IL20RA: variants seen among roughly 807,000 people sequenced by gnomAD.
IL20RA encodes interleukin-20 receptor subunit alpha.
Under a neutral mutation model 36.5 loss-of-function variants are expected in IL20RA, and 29 were observed. That is an observed-to-expected ratio of 0.79 (90% confidence interval 0.59 to 1.08). IL20RA has a LOEUF of 1.08. IL20RA is among the 50% of genes least tolerant of loss of function. The probability of loss-of-function intolerance (pLI) is 0.00; values close to 1 mark genes in which losing one functional copy is unlikely to be tolerated. For missense variants in IL20RA, 652 were observed against 668.4 expected (o/e 0.98, Z 0.27); for synonymous variants, 279 against 267.1 (o/e 1.04, Z -0.43).
At chr6:137,015,540 T>C (rs543893855) in intron 2 of IL20RA, among the ~76,000 whole-genome samples, 3 of 152,248 alleles carry the variant, frequency 2.0e-5, no homozygotes, top group Non-Finnish European at 4.4e-5. Context: ...ATAGGCGCTA[T>C]GCTAGTTCCC....
chr6:137,023,110 G>T (rs561812778), intron 1 of IL20RA, among the ~76,000 whole-genome samples: 64 of 152,222 alleles, frequency 4.2e-4, no homozygotes, highest in African/African-American at 1.5e-3. Flanking sequence ...GAGCTTCCAG[G>T]GTAGTAGGAA....
Position 137,037,044 on chromosome 6 carries a change from C to T in IL20RA, c.88+7597G>A, listed in dbSNP as rs141965229. On this transcript the variant is annotated intron_variant, in intron 1 of 6. Transcript: ENST00000316649. Reference sequence around the variant, plus strand: ...AGCACATAGCTGCCAAAATATCCCACGTCATCAAAATGCAAATGTAGCTGT... The same window carrying T: ...AGCACATAGCTGCCAAAATATCCCATGTCATCAAAATGCAAATGTAGCTGT... Among the ~76,000 whole-genome samples the T allele has an allele frequency of 6.4e-3, 976 of 152,288 alleles. 1 individual carries two copies. Among genetic ancestry groups the T allele is most frequent in the Non-Finnish European group, 0.011 (747 of 68,020 alleles).
chr6:137,009,665 G>C (rs1582820524), intron 3 of IL20RA, among the ~76,000 whole-genome samples, 173 bp from the exon 4 acceptor site: 1 of 127,776 alleles, frequency 7.8e-6, no homozygotes, highest in Admixed American at 1.0e-4. Context: ...GAGTGCAATG[G>C]CATGATCTCG....
At chr6:137,022,638 A>G (rs1259002459) in intron 1 of IL20RA, among the ~76,000 whole-genome samples, 2 of 152,178 alleles carry the variant, frequency 1.3e-5, no homozygotes, top group African/African-American at 4.8e-5. Flanking sequence ...TAAAAATAAA[A>G]TATATATTAA....
intron 1 of IL20RA, chr6:137,044,127 C>T (rs1028650318): frequency 2.1e-5 from 21 of 985,514 alleles, no homozygotes; most frequent in South Asian, 1.4e-4. Flanking sequence ...CATGTTCCTT[C>T]GGGGCTGACC....
chr6:137,012,136 G>C (rs1473402173), intron 2 of IL20RA, among the ~76,000 whole-genome samples: 1 of 152,142 alleles, frequency 6.6e-6, no homozygotes. Context: ...GCCAGTGAAA[G>C]GGACAGGGGA....
At chr6:137,031,388 G>C (rs892872124) in intron 1 of IL20RA, among the ~76,000 whole-genome samples, 2 of 152,158 alleles carry the variant, frequency 1.3e-5, no homozygotes, top group Admixed American at 1.3e-4. Context: ...ATAATGTCAC[G>C]TGCTGCAAAA....
At chr6:137,002,490 C>T in intron 6 of IL20RA, 135 bp from the exon 7 acceptor site, 1 of 636,468 alleles carries the variant, frequency 1.6e-6, no homozygotes, top group South Asian at 2.0e-5. Context: ...GAAAGTTATG[C>T]TTGCAATATA....
At chr6:137,025,620 T>C (rs965859281) in intron 1 of IL20RA, among the ~76,000 whole-genome samples, 5 of 152,196 alleles carry the variant, frequency 3.3e-5, no homozygotes, top group Non-Finnish European at 7.3e-5. Context: ...AATGGATTAA[T>C]AAGATAGATC....
intron 1 of IL20RA, chr6:137,044,430 G>A: frequency 1.1e-6 from 1 of 925,158 alleles, no homozygotes; most frequent in East Asian, 3.8e-5. Context: ...TTGACCCCGA[G>A]CCAAGGTGCG....
chr6:137,034,687 T>C (rs181518206), intron 1 of IL20RA, among the ~76,000 whole-genome samples: 34 of 152,112 alleles, frequency 2.2e-4, no homozygotes, highest in Non-Finnish European at 4.4e-4. Flanking sequence ...ACGCCTGTAA[T>C]CCCAGCACTT....
intron 1 of IL20RA, among the ~76,000 whole-genome samples, chr6:137,041,256 T>A (rs1326810031): frequency 1.3e-5 from 2 of 152,138 alleles, no homozygotes; most frequent in Non-Finnish European, 2.9e-5. Context: ...TAATGGGAGA[T>A]CCTGGACTGG....
At chr6:137,019,819 TGAGAA>T (rs1775835005) in intron 1 of IL20RA, among the ~76,000 whole-genome samples, 1 of 152,248 alleles carries the variant, frequency 6.6e-6, no homozygotes, top group Admixed American at 6.5e-5. Context: ...TTCTATTCTT[TGAGAA>T]GAGAATATAT....
At chr6:137,030,076 T>TTTTTA (rs1776225766) in intron 1 of IL20RA, among the ~76,000 whole-genome samples, 2 of 108,930 alleles carry the variant, frequency 1.8e-5, no homozygotes, top group Non-Finnish European at 3.9e-5. Flanking sequence ...GCGGGTTTTT[T>TTTTTA]TTTTTTTTTT....
intron 1 of IL20RA, among the ~76,000 whole-genome samples, chr6:137,039,706 G>C (rs776098784): frequency 6.6e-5 from 10 of 152,202 alleles, no homozygotes; most frequent in Non-Finnish European, 1.3e-4. Flanking sequence ...TAATGGGAAA[G>C]AGGTGGTGGT....
intron 1 of IL20RA, among the ~76,000 whole-genome samples, chr6:137,028,430 A>T (rs1274645491): frequency 2.0e-5 from 3 of 151,840 alleles, no homozygotes; most frequent in African/African-American, 7.3e-5. Context: ...AAAAAAAAAA[A>T]AAAAGAAATT....
In IL20RA at chr6:137,001,811, C is replaced by G. The variant is rs1284730564; in HGVS notation, c.1409G>C (p.Gly470Ala). 6.2e-7 allele frequency: 1 copy of G among 1,613,334 alleles called. No individual in the cohort carries two copies. Among genetic ancestry groups the G allele is most frequent in the Non-Finnish European group, 8.5e-7 (1 of 1,179,636 alleles). The part of the protein sequence containing the change: ...LAQEHTDSEE[G>A]PEEEPSTTLV... ...GGTCGTCGATGGCTCTTCCTCCGGC[C>G]CCTCCTCCGAGTCTGTGTGCTCCTG... The change falls in exon 7 of 7, where the codon GGG (glycine) becomes GCG (alanine). Residue 470 changes from glycine to alanine, a missense_variant. Coordinates refer to ENST00000316649, the MANE Select transcript of IL20RA (RefSeq NM_014432.4).
chr6:137,001,984 C>G lies in IL20RA; in HGVS notation c.1236G>C (p.Ala412=). ...EYDVRTTDIC[A]GPEEQELSLQ... The stretch of plus-strand genomic sequence containing the variant: ...AACTGAGCTCCTGCTCTTCAGGCCC[C>G]GCACAAATGTCAGTGGTTCTGACAT... The change falls in exon 7 of 7, where the codon GCG becomes GCC. Residue 412 remains alanine (A), a synonymous_variant. Coordinates refer to ENST00000316649, the MANE Select transcript of IL20RA (RefSeq NM_014432.4). The G allele has an allele frequency of 1.2e-6, 2 of 1,614,172 alleles. No homozygotes were observed. The highest frequency in any genetic ancestry group is 1.7e-6 in the Non-Finnish European group (2 of 1,180,026).
intron 1 of IL20RA, among the ~76,000 whole-genome samples, chr6:137,031,926 G>T (rs1048312256): frequency 6.6e-6 from 1 of 151,458 alleles, no homozygotes; most frequent in Non-Finnish European, 1.5e-5. Flanking sequence ...CAGCGCACGT[G>T]CCTGTAATCC....
Sources: allele counts gnomAD v4.1 joint callset (sites outside exome capture counted in the v4.1 genomes callset), GRCh38; gene constraint gnomAD v4.1.1; transcripts MANE v1.5; gene names NCBI Gene and HGNC (gene_info 2026-07-23, HGNC 2026-07-21).